Variants in CRTC3 observed in about 807,000 individuals in gnomAD.
CRTC3 encodes CREB regulated transcription coactivator 3, also known as CREB-regulated transcription coactivator 3.
CRTC3 carries 26 observed loss-of-function variants against 74.5 expected under a neutral mutation model. That is an observed-to-expected ratio of 0.35 (90% CI 0.26 to 0.48). CRTC3 has a LOEUF of 0.48. CRTC3 is among the 20% of genes least tolerant of loss of function. The pLI is 0.99. For synonymous variants in CRTC3, 377 were observed against 325.8 expected, an observed-to-expected ratio of 1.16 and a Z score of -1.69; for missense variants, 760 against 787.3, an observed-to-expected ratio of 0.97 and a Z score of 0.41.
At chr15:90,537,528 C>T (rs1025483123) in intron 1 of CRTC3, among the ~76,000 whole-genome samples, 5 of 152,190 alleles carry the variant, frequency 3.3e-5, no homozygotes, top group African/African-American at 9.7e-5. Context: ...GGACTGCAGG[C>T]GCCCACCACC....
intron 13 of CRTC3, chr15:90,640,894 C>G: frequency 3.5e-6 from 2 of 567,856 alleles, no homozygotes; most frequent in Admixed American, 5.9e-5. Context: ...CCTCAGGGAC[C>G]CCTCCTCCAC....
intron 2 of CRTC3, among the ~76,000 whole-genome samples, chr15:90,546,098 T>C (rs1231328139): frequency 2.6e-5 from 4 of 152,200 alleles, no homozygotes; most frequent in African/African-American, 7.2e-5. Flanking sequence ...TTTTGTCTTA[T>C]CTATTAATAA....
In CRTC3 at chr15:90,641,112, C is replaced by A; in HGVS notation, c.1564C>A (p.Gln522Lys). Reference sequence around the variant, plus strand: ...ATGCTTCCAGGTGCCTCTGGTGCAACAAGGTTCCCGAGAACTGCAGGACTC... The same window carrying A: ...ATGCTTCCAGGTGCCTCTGGTGCAAAAAGGTTCCCGAGAACTGCAGGACTC... ...AFPQQVPLVQ[Q>K]GSRELQDSFH... Residue 522 changes from glutamine (Q) to lysine (K), a missense_variant, in exon 14 of 15, where the codon CAA becomes AAA. Coordinates refer to ENST00000268184, the MANE Select transcript of CRTC3 (RefSeq NM_022769.5). 6.2e-7 allele frequency: 1 copy of A among 1,613,712 alleles called. No individual in the cohort carries two copies. The highest frequency in any genetic ancestry group is 8.5e-7 in the Non-Finnish European group (1 of 1,179,704).
chr15:90,624,907 G>GA (rs1448482820), intron 9 of CRTC3: 4 of 152,710 alleles, frequency 2.6e-5, no homozygotes, highest in Admixed American at 6.5e-5. Context: ...CATAGGCTGG[G>GA]ATAGCTATGT....
intron 2 of CRTC3, among the ~76,000 whole-genome samples, chr15:90,561,927 G>A (rs1453468947): frequency 6.6e-6 from 1 of 152,154 alleles, no homozygotes; most frequent in African/African-American, 2.4e-5. Flanking sequence ...AACATCTGTG[G>A]AAGATTCTAC....
chr15:90,558,970 T>A (rs1054160913), intron 2 of CRTC3, among the ~76,000 whole-genome samples: 1 of 152,076 alleles, frequency 6.6e-6, no homozygotes, highest in African/African-American at 2.4e-5. Flanking sequence ...CAGGATGGTC[T>A]CGATCTCCTG....
At chr15:90,628,114 G>T (rs1326387708) in intron 10 of CRTC3, among the ~76,000 whole-genome samples, 1 of 151,408 alleles carries the variant, frequency 6.6e-6, no homozygotes, top group African/African-American at 2.4e-5. Flanking sequence ...CTACTTGGGA[G>T]GCTGAGGCAG....
At position 90,591,373 on chromosome 15, in the gene CRTC3, G is replaced by A. The variant is rs888620898; in HGVS notation, c.232-2263G>A. On this transcript the variant is annotated intron_variant, in intron 2 of 14. Transcript: ENST00000268184. ...GGCCTCAAGCAATTCTCCCACCTCC[G>A]CCTCCCAAAGTGCTGGGACTCTAGA... 8.6e-5 allele frequency among the ~76,000 whole-genome samples: 13 copies of A among 152,046 alleles called. No homozygotes were observed. In the East Asian group the frequency reaches 2.1e-3, roughly 25 times the overall value.
At position 90,607,444 on chromosome 15, in the gene CRTC3, A is replaced by G; in HGVS notation, c.543A>G (p.Gly181=). Residue 181 remains glycine, a synonymous_variant, in exon 6 of 15, where the codon GGA becomes GGG. Transcript: ENST00000268184. ...CCAAGCCCCAGGACCCCTATGGAGG[A>G]GGGGGCCAGTCGGCCTGGCCTGCCC... The part of the protein sequence containing the change: ...LSTKPQDPYG[G]GGQSAWPAPY... 1.9e-6 allele frequency: 3 copies of G among 1,612,918 alleles called. No individual in the cohort carries two copies. The highest frequency in any genetic ancestry group is 2.5e-6 in the Non-Finnish European group (3 of 1,179,316).
intron 2 of CRTC3, among the ~76,000 whole-genome samples, chr15:90,579,213 T>G (rs1397739678): frequency 6.6e-6 from 1 of 152,224 alleles, no homozygotes; most frequent in African/African-American, 2.4e-5. Context: ...GAAGGATGTT[T>G]GTAGGTTACA....
At chr15:90,571,602 C>T (rs1056595561) in intron 2 of CRTC3, among the ~76,000 whole-genome samples, 4 of 152,152 alleles carry the variant, frequency 2.6e-5, no homozygotes, top group African/African-American at 9.7e-5. Context: ...TATTCATTTG[C>T]TTGCCTGCTT....
chr15:90,633,198 T>C (rs1969106310), intron 11 of CRTC3, among the ~76,000 whole-genome samples: 2 of 152,158 alleles, frequency 1.3e-5, no homozygotes, highest in Non-Finnish European at 1.5e-5. Context: ...CTCTTGGGAG[T>C]TAATAAATGT....
At chr15:90,613,461 A>G (rs1294449902) in intron 6 of CRTC3, among the ~76,000 whole-genome samples, 3 of 152,140 alleles carry the variant, frequency 2.0e-5, no homozygotes, top group African/African-American at 7.2e-5. Context: ...AAAATGTTAT[A>G]TCTTCTACCT....
chr15:90,635,219 A>AG (rs1969189395), intron 11 of CRTC3, among the ~76,000 whole-genome samples: 1 of 152,070 alleles, frequency 6.6e-6, no homozygotes, highest in East Asian at 1.9e-4. Flanking sequence ...TATGTAAATG[A>AG]GAAAAAAAAA....
rs1045691133 is a variant in CRTC3, at chr15:90,580,426, C to CT, written c.232-13196dup. Among the ~76,000 whole-genome samples, 1,452 of 142,912 alleles carry CT rather than the reference C, an allele frequency of 0.01. 42 individuals carry two copies. In the East Asian group the frequency reaches 0.11, roughly 11 times the overall value. 93.8% of individuals were successfully genotyped at this position (142,912 alleles called of 152,430 possible). On this transcript the variant is annotated intron_variant, in intron 2 of 14. Transcript: ENST00000268184. ...AGTCCCGCTGGTTTTTCTTCTTCTT[C>CT]TTTTTTTTTTTTTTCCTGAGACGAG...
chr15:90,610,649 A>C lies in CRTC3; in HGVS notation c.577+3171A>C, dbSNP rs553459398. On this transcript the variant is annotated intron_variant, in intron 6 of 14. Coordinates refer to ENST00000268184, the MANE Select transcript of CRTC3 (RefSeq NM_022769.5). ...TTTTGTTTAATTATTCAGAATCTAT[A>C]AAGAGGGAATGTTGGCCATTTCCCT... 1.9e-3 allele frequency among the ~76,000 whole-genome samples: 291 copies of C among 152,328 alleles called. 1 individual carries two copies. Among genetic ancestry groups the C allele is most frequent in the African/African-American group, 6.5e-3 (272 of 41,574 alleles).
At chr15:90,551,689 C>T (rs927382861) in intron 2 of CRTC3, among the ~76,000 whole-genome samples, 2 of 152,124 alleles carry the variant, frequency 1.3e-5, no homozygotes, top group Non-Finnish European at 2.9e-5. Context: ...TCTTTATCAG[C>T]CAATCAGATT....
chr15:90,632,724 C>T (rs1187827728), intron 11 of CRTC3, among the ~76,000 whole-genome samples: 1 of 152,176 alleles, frequency 6.6e-6, no homozygotes, highest in Non-Finnish European at 1.5e-5. Flanking sequence ...CCTGCCTCAG[C>T]TTCCTAAGTA....
In CRTC3 at chr15:90,639,447, C is replaced by CT. The variant is rs144912546; in HGVS notation, c.1548+652dup. Among the ~76,000 whole-genome samples the CT allele has an allele frequency of 8.2e-3, 1,012 of 124,044 alleles. 13 individuals are homozygous for CT. The highest frequency in any genetic ancestry group is 0.011 in the African/African-American group (360 of 32,780). The allele number at this position is 124,044 out of a possible 152,430, so 81.4% of individuals were successfully genotyped here. A position where few individuals can be genotyped will look rare whatever the true frequency, so the allele number is the denominator to read the frequency against. ...AAGAAGGGTTGAACAGGTTCCAGAA[C>CT]TTTTTTTTTTTTTTTTTTTTGAGAC... On this transcript the variant is annotated intron_variant, in intron 13 of 14. Transcript: ENST00000268184.
Sources: allele counts gnomAD v4.1 joint callset (sites outside exome capture counted in the v4.1 genomes callset), GRCh38; gene constraint gnomAD v4.1.1; transcripts MANE v1.5; gene names NCBI Gene and HGNC (gene_info 2026-07-23, HGNC 2026-07-21).